Variants in MYO3B observed in about 807,000 individuals in gnomAD.
The protein encoded by MYO3B is myosin IIIB.
Under a neutral mutation model 174.6 loss-of-function variants are expected in MYO3B, and 156 were observed. That is an observed-to-expected ratio of 0.89 (90% CI 0.78 to 1.02). The LOEUF (loss-of-function observed/expected upper bound fraction) is 1.02. Among genes scored for constraint, MYO3B ranks in the 50% least tolerant of loss-of-function variants. The pLI, the probability that MYO3B is intolerant of heterozygous loss-of-function variation, is 0.00. For missense variants in MYO3B, 1,632 were observed against 1,639.4 expected, an observed-to-expected ratio of 1.00 and a Z score of 0.08; for synonymous variants, 563 against 569.1, an observed-to-expected ratio of 0.99 and a Z score of 0.15.
chr2:170,581,758 A>T (rs1332386357), intron 32 of MYO3B, among the ~76,000 whole-genome samples: 7 of 152,174 alleles, frequency 4.6e-5, no homozygotes, highest in Non-Finnish European at 8.8e-5. Context: ...TTAGCTAAAC[A>T]ACCTAACCTC....
At chr2:170,469,773 GA>G (rs972370737) in intron 25 of MYO3B, among the ~76,000 whole-genome samples, 19 of 152,048 alleles carry the variant, frequency 1.2e-4, no homozygotes, top group African/African-American at 4.6e-4. Flanking sequence ...GCTCAATTTA[GA>G]TATAATTCAC....
chr2:170,444,562 T>A (rs1425370445), intron 23 of MYO3B, among the ~76,000 whole-genome samples: 2 of 152,226 alleles, frequency 1.3e-5, no homozygotes, highest in African/African-American at 4.8e-5. Context: ...GAAACACAGT[T>A]ATCTTGAAGG....
rs1415510737 is a variant in MYO3B, at chr2:170,519,559, G to A, written c.3575+19G>A. The A allele has an allele frequency of 1.9e-5, 31 of 1,594,272 alleles. No homozygotes were observed. The highest frequency in any genetic ancestry group is 2.7e-5 in the Non-Finnish European group (31 of 1,162,516). Reference sequence around the variant, plus strand: ...AAAATGGGTGAGCATTATCTGCTAAGAGTTCCCTGTTGTAAACTCAGGTGC... The same window carrying A: ...AAAATGGGTGAGCATTATCTGCTAAAAGTTCCCTGTTGTAAACTCAGGTGC... On this transcript the variant is annotated intron_variant, in intron 30 of 34. Transcript: ENST00000408978.
rs2094267620 is a variant in MYO3B, at chr2:170,373,877, T to C, written c.971+4500T>C. On this transcript the variant is annotated intron_variant, in intron 9 of 34. Coordinates refer to ENST00000408978, the MANE Select transcript of MYO3B (RefSeq NM_138995.5). ...AGGTTTCAGAGTTGGGAGTGGATTGTGGACTCCAGGGAATCGTTAAATCTT... is the reference window on the plus strand; with the variant it reads ...AGGTTTCAGAGTTGGGAGTGGATTGCGGACTCCAGGGAATCGTTAAATCTT... 2.0e-5 allele frequency among the ~76,000 whole-genome samples: 3 copies of C among 151,250 alleles called. No homozygotes were observed. In the East Asian group the frequency reaches 5.8e-4, roughly 29 times the overall value.
At chr2:170,579,293 T>A (rs989614287) in intron 32 of MYO3B, among the ~76,000 whole-genome samples, 5 of 151,726 alleles carry the variant, frequency 3.3e-5, no homozygotes, top group Admixed American at 6.6e-5. Flanking sequence ...ATGAAGTATA[T>A]TATAAACGAA....
At chr2:170,360,690 C>T (rs773938927) in intron 8 of MYO3B, among the ~76,000 whole-genome samples, 2 of 152,118 alleles carry the variant, frequency 1.3e-5, no homozygotes, top group African/African-American at 2.4e-5. Context: ...TTTAAGAGGT[C>T]GTTAGGTCAT....
chr2:170,614,107 C>A (rs11689519), intron 32 of MYO3B, among the ~76,000 whole-genome samples: 8,515 of 152,146 alleles, frequency 0.056, 313 homozygotes, highest in East Asian at 0.17. Context: ...CTCCCCTACC[C>A]CTAGGGTGTA....
At chr2:170,305,333 G>A (rs1518737) in intron 7 of MYO3B, among the ~76,000 whole-genome samples, 37,593 of 151,912 alleles carry the variant, frequency 0.25, 5,733 homozygotes, top group African/African-American at 0.4. Flanking sequence ...GTACTATACT[G>A]TTTTAGTTAT....
chr2:170,319,837 T>C (rs534357381), intron 7 of MYO3B, among the ~76,000 whole-genome samples: 1 of 152,268 alleles, frequency 6.6e-6, no homozygotes, highest in Admixed American at 6.5e-5. Flanking sequence ...TAACTTTTCA[T>C]CTGAAAAGTA....
In MYO3B at chr2:170,499,761, A is replaced by G. The variant is rs759606754; in HGVS notation, c.3242A>G (p.Lys1081Arg). ...TKGWLGARRY[K>R]RVREKREKGA... ...GGGTGGCTTGGAGCCAGGAGATACA[A>G]AAGGGTCAGAGAGAAGAGAGAGAAG... The change falls in exon 27 of 35, where the codon AAA (lysine) becomes AGA (arginine). Residue 1081 changes from lysine (K) to arginine (R), a missense_variant. By Grantham distance (26) the Lys-to-Arg change is conservative (BLOSUM62 2). Coordinates refer to ENST00000408978, the MANE Select transcript of MYO3B (RefSeq NM_138995.5). 2.5e-6 allele frequency: 4 copies of G among 1,614,124 alleles called. No homozygotes were observed. The highest frequency in any genetic ancestry group is 1.1e-5 in the South Asian group (1 of 91,082).
rs898212647 is a variant in MYO3B, at chr2:170,454,986, G to A, written c.2731-8382G>A. ...TGAGGCCACAAGACCAGATGAGCCA[G>A]TTTATTGAGCTGGGTGGTGCTAGCT... On this transcript the variant is annotated intron_variant, in intron 23 of 34. Transcript: ENST00000408978. 3.3e-5 allele frequency among the ~76,000 whole-genome samples: 5 copies of A among 152,340 alleles called. 1 individual carries two copies. In the South Asian group the frequency reaches 1.0e-3, roughly 32 times the overall value.
At chr2:170,385,950 G>T (rs1024475498) in intron 12 of MYO3B, 9 of 307,258 alleles carry the variant, frequency 2.9e-5, no homozygotes, top group African/African-American at 4.3e-5. Context: ...TAATTACAAG[G>T]AAAAAACTCA....
At chr2:170,440,783 G>A (rs1178454757) in intron 22 of MYO3B, among the ~76,000 whole-genome samples, 1 of 144,460 alleles carries the variant, frequency 6.9e-6, no homozygotes, top group East Asian at 2.1e-4. Flanking sequence ...ACAACAAACT[G>A]ATTTTTGGGT....
chr2:170,576,683 T>C (rs1233134496), intron 32 of MYO3B, among the ~76,000 whole-genome samples: 2 of 152,190 alleles, frequency 1.3e-5, no homozygotes, highest in Admixed American at 1.3e-4. Flanking sequence ...AAGAAGAAAA[T>C]GTATATAACT....
intron 7 of MYO3B, among the ~76,000 whole-genome samples, chr2:170,277,706 AC>A (rs2093473402): frequency 6.7e-6 from 1 of 150,018 alleles, no homozygotes; most frequent in Non-Finnish European, 1.5e-5. Flanking sequence ...ATATATGCCG[AC>A]CAAAAAAAAA....
chr2:170,341,032 T>A (rs1401758107), intron 8 of MYO3B: 1 of 152,162 alleles, frequency 6.6e-6, no homozygotes, highest in Non-Finnish European at 1.5e-5. Context: ...TTCAAATGGG[T>A]ATAAGCAGTT....
chr2:170,230,011 A>C (rs1408228857), intron 6 of MYO3B, among the ~76,000 whole-genome samples: 1 of 152,222 alleles, frequency 6.6e-6, no homozygotes, highest in African/African-American at 2.4e-5. Flanking sequence ...TGATTAAAAA[A>C]AATCTGCCAC....
At chr2:170,619,707 A>AAAGTGATGG (rs893377741) in intron 32 of MYO3B, among the ~76,000 whole-genome samples, 1 of 143,544 alleles carries the variant, frequency 7.0e-6, no homozygotes, top group Non-Finnish European at 1.5e-5. Flanking sequence ...CCTCATCTCT[A>AAAGTGATGG]AAGTGATGGC....
intron 32 of MYO3B, among the ~76,000 whole-genome samples, chr2:170,588,053 T>C (rs1693592558): frequency 6.6e-6 from 1 of 152,040 alleles, no homozygotes; most frequent in African/African-American, 2.4e-5. Flanking sequence ...ATAACAGTCT[T>C]GGTTGGGGGG....
Sources: allele counts gnomAD v4.1 joint callset (sites outside exome capture counted in the v4.1 genomes callset), GRCh38; gene constraint gnomAD v4.1.1; transcripts MANE v1.5; gene names NCBI Gene and HGNC (gene_info 2026-07-23, HGNC 2026-07-21).